NIPSNAP3B: variants seen among roughly 807,000 people sequenced by gnomAD.
NIPSNAP3B encodes protein NipSnap homolog 3B.
A neutral mutation model predicts 31.5 loss-of-function variants in NIPSNAP3B; 30 were observed. The ratio of observed to expected loss-of-function variants is 0.95; its 90% CI spans 0.71 to 1.29. The LOEUF is 1.29. NIPSNAP3B is among the 50% of genes most tolerant of loss of function. The pLI is 0.00. For missense variants in NIPSNAP3B, 269 were observed against 300.7 expected, an observed-to-expected ratio of 0.89 and a Z score of 0.78; for synonymous variants, 106 against 107.9, an observed-to-expected ratio of 0.98 and a Z score of 0.11.
chr9:104,787,141 T>C, the NIPSNAP3B span, among the ~76,000 whole-genome samples: 19 of 152,230 alleles, frequency 1.2e-4, no homozygotes, highest in Non-Finnish European at 2.5e-4. Context: ...AATTCATTTG[T>C]AAACAAGGTC....
the NIPSNAP3B span, chr9:104,783,689 G>C: frequency 1.1e-4 from 17 of 153,194 alleles, no homozygotes; most frequent in African/African-American, 4.1e-4. Flanking sequence ...ATCAAAGCAG[G>C]ATGTTAGCCA....
the NIPSNAP3B span, chr9:104,786,190 G>T: frequency 1.1e-6 from 1 of 927,896 alleles, no homozygotes; most frequent in Non-Finnish European, 1.7e-6. Context: ...ATACTGTTTT[G>T]CTCAGTTTTA....
downstream of NIPSNAP3B, chr9:104,782,553 G>C (rs899589544): frequency 5.3e-5 from 8 of 152,064 alleles, no homozygotes; most frequent in Admixed American, 5.2e-4. Flanking sequence ...TTTTACAAAT[G>C]TTTACTGACT....
Position 104,764,310 on chromosome 9 carries a change from G to A in NIPSNAP3B, c.60+10G>A. ...GACGCTCGCGCCTCAGGTACTGGCC[G>A]CGGGGGCGCGCCCGAGCCCTGGCCG... On this transcript the variant is annotated intron_variant, in intron 1 of 5. Coordinates refer to ENST00000374762, the MANE Select transcript of NIPSNAP3B (RefSeq NM_018376.4). 6.4e-7 allele frequency: 1 copy of A among 1,571,800 alleles called. No homozygotes were observed. The highest frequency in any genetic ancestry group is 8.6e-7 in the Non-Finnish European group (1 of 1,161,186).
chr9:104,770,945 G>A lies in NIPSNAP3B; in HGVS notation c.527G>A (p.Gly176Asp). Reference sequence around the variant, plus strand: ...GCAATTAATGCCCATGTCAATTTAGGCTACACAAAAGTAGTTGGTGTTTTC... The same window carrying A: ...GCAATTAATGCCCATGTCAATTTAGACTACACAAAAGTAGTTGGTGTTTTC... ...ERAINAHVNL[G>D]YTKVVGVFHT... Residue 176 changes from glycine (G) to aspartate (D), a missense_variant, in exon 4 of 6, where the codon GGC becomes GAC. Gly to Asp is a moderately conservative substitution (Grantham distance 94, BLOSUM62 -1). Transcript: ENST00000374762. 6.2e-7 allele frequency: 1 copy of A among 1,613,880 alleles called. No homozygotes were observed. The highest frequency in any genetic ancestry group is 8.5e-7 in the Non-Finnish European group (1 of 1,179,820).
Position 104,770,993 on chromosome 9 carries a change from A to G in NIPSNAP3B, c.575A>G (p.Asn192Ser), listed in dbSNP as rs1828203450. ...TTCCACACAGAATATGGAGAACTCA[A>G]CAGAGGTACAGTTGTCCATTTGTTC... ...GVFHTEYGEL[N>S]RVHVLWWNES... The change falls in exon 4 of 6, where the codon AAC becomes AGC. Residue 192 changes from asparagine to serine, a missense_variant. Physicochemically the swap from Asn to Ser is conservative, Grantham distance 46. Transcript: ENST00000374762. The G allele has an allele frequency of 1.2e-6, 2 of 1,613,730 alleles. No homozygotes were observed. The highest frequency in any genetic ancestry group is 2.2e-5 in the East Asian group (1 of 44,852).
intron 1 of NIPSNAP3B, 56 bp downstream of exon 1, chr9:104,764,356 G>C: frequency 2.1e-6 from 3 of 1,440,874 alleles, no homozygotes; most frequent in Non-Finnish European, 2.8e-6. Context: ...GAGGGGCGGG[G>C]GGTATTTCTG....
At chr9:104,786,989 T>C in the NIPSNAP3B span, 1 of 1,607,060 alleles carries the variant, frequency 6.2e-7, no homozygotes, top group Non-Finnish European at 8.5e-7. Flanking sequence ...GTAATTAGAA[T>C]AAAATAAGTC....
rs564192723 is a variant in NIPSNAP3B at position 104,773,819 on chromosome 9, C to T, written c.*746C>T. 6.6e-6 allele frequency: 1 copy of T among 152,180 alleles called. No individual in the cohort carries two copies. The highest frequency in any genetic ancestry group is 2.1e-4 in the South Asian group (1 of 4,824). The allele number at this position is 152,180 out of a possible 1,614,324, so 9.4% of individuals were successfully genotyped here. A position where few individuals can be genotyped will look rare whatever the true frequency, so the allele number is the denominator to read the frequency against. ...ATATTTATGGTTATGGAAACGCTTG[C>T]CCTAATAAAAATCCTGCATATTCAT... is the stretch of plus-strand genomic sequence containing the variant. On this transcript the variant is annotated 3_prime_UTR_variant, in exon 6 of 6. Transcript: ENST00000374762.
the NIPSNAP3B span, chr9:104,784,397 A>C: frequency 6.2e-7 from 1 of 1,614,120 alleles, no homozygotes; most frequent in South Asian, 1.1e-5. Context: ...GTTTTTGTGT[A>C]ATGAGAGGTC....
intron 2 of NIPSNAP3B, among the ~76,000 whole-genome samples, chr9:104,767,892 C>G (rs1828121790): frequency 6.6e-6 from 1 of 152,002 alleles, no homozygotes; most frequent in Non-Finnish European, 1.5e-5. Flanking sequence ...TCTGTATTTG[C>G]AGGAGGTTGC....
the NIPSNAP3B span, chr9:104,784,556 G>C: frequency 7.2e-7 from 1 of 1,393,916 alleles, no homozygotes; most frequent in Non-Finnish European, 1.0e-6. Flanking sequence ...TCAAGTAGGA[G>C]CATACAGAAT....
Position 104,768,905 on chromosome 9 carries a change from A to T in NIPSNAP3B, c.314A>T (p.Asn105Ile). The change falls in exon 3 of 6, where the codon AAC becomes ATC. Residue 105 changes from asparagine to isoleucine, a missense_variant. Physicochemically the swap from Asn to Ile is moderately radical, Grantham distance 149. Transcript: ENST00000374762. ...GCTGAAGTTCGGAAAGCCTTAGCCA[A>T]CTGTAAGGAATGGCAAGAACAATCT... ...HRAEVRKALANCKEWQEQSII... is the reference protein window; with the variant it reads ...HRAEVRKALAICKEWQEQSII... 6.2e-7 allele frequency: 1 copy of T among 1,613,346 alleles called. No individual in the cohort carries two copies. Among genetic ancestry groups the T allele is most frequent in the Non-Finnish European group, 8.5e-7 (1 of 1,179,632 alleles).
the NIPSNAP3B span, chr9:104,790,857 C>T: frequency 2.6e-6 from 3 of 1,133,004 alleles, no homozygotes; most frequent in Non-Finnish European, 4.0e-6. Flanking sequence ...AAATAACAAC[C>T]TATTTCTTTA....
At chr9:104,785,436 T>C in the NIPSNAP3B span, 3 of 1,614,088 alleles carry the variant, frequency 1.9e-6, no homozygotes, top group African/African-American at 1.3e-5. Context: ...GTCTTCTATG[T>C]GGAGTCGCTT....
the NIPSNAP3B span, chr9:104,785,305 G>C: frequency 1.2e-5 from 18 of 1,535,260 alleles, no homozygotes; most frequent in Non-Finnish European, 1.6e-5. Flanking sequence ...ACCAATTCAA[G>C]ATACAAACTG....
At chr9:104,770,748 C>A in intron 3 of NIPSNAP3B, 101 bp from the exon 4 acceptor site, 1 of 964,444 alleles carries the variant, frequency 1.0e-6, no homozygotes, top group Non-Finnish European at 1.6e-6. Context: ...CATGGATTAT[C>A]CTCTAACTTC....
rs560644137 is a variant in NIPSNAP3B, at chr9:104,764,160, G to A, written c.-81G>A. On this transcript the variant is annotated 5_prime_UTR_variant, in exon 1 of 6. Transcript: ENST00000374762. ...TGAGTTCGCCAGTGGTCCAGGAGCC[G>A]CTTTTTTCCACTCGGGAAGACTTCA... 41 of 1,392,420 alleles carry A rather than the reference G, an allele frequency of 2.9e-5. No individual in the cohort carries two copies. In the Admixed American group the frequency reaches 8.4e-4, roughly 29 times the overall value. The allele number at this position is 1,392,420 out of a possible 1,614,324, so 86.3% of individuals were successfully genotyped here. A position where few individuals can be genotyped will look rare whatever the true frequency, so the allele number is the denominator to read the frequency against.
chr9:104,788,962 C>A, the NIPSNAP3B span, among the ~76,000 whole-genome samples: 1 of 152,188 alleles, frequency 6.6e-6, no homozygotes, highest in Non-Finnish European at 1.5e-5. Flanking sequence ...TGAGAAGGCC[C>A]AGAAATTTTG....
Sources: gnomAD v4.1 joint callset for allele counts (sites outside exome capture counted in the v4.1 genomes callset) on GRCh38, gnomAD v4.1.1 for gene constraint, MANE v1.5 for transcripts, NCBI Gene and HGNC (gene_info 2026-07-23, HGNC 2026-07-21) for gene names.